The following SUGCT variants were observed in gnomAD, a reference collection of about 807,000 sequenced individuals.
SUGCT encodes the protein succinyl-CoA:glutarate-CoA transferase.
A neutral mutation model predicts 55.0 loss-of-function variants in SUGCT; 41 were observed. The ratio of observed to expected loss-of-function variants is 0.74; its 90% CI spans 0.58 to 0.97. SUGCT has a LOEUF of 0.97. Ranked by LOEUF, SUGCT falls within the 50% of genes least tolerant of loss-of-function variation. The pLI is 0.00. For synonymous variants in SUGCT, 187 were observed against 200.4 expected, an observed-to-expected ratio of 0.93 and a Z score of 0.56; for missense variants, 568 against 547.8, an observed-to-expected ratio of 1.04 and a Z score of -0.37.
intron 9 of SUGCT, among the ~76,000 whole-genome samples, chr7:40,438,205 C>T (rs1438962218): frequency 6.6e-6 from 1 of 152,114 alleles, no homozygotes; most frequent in Non-Finnish European, 1.5e-5. Context: ...TTCTCAATTC[C>T]CCGCCTTCAC....
the SUGCT span, among the ~76,000 whole-genome samples, chr7:40,951,190 G>C: frequency 6.6e-6 from 1 of 151,970 alleles, no homozygotes; most frequent in African/African-American, 2.4e-5. Context: ...AGTCTTGGGA[G>C]GGTGTATGTG....
chr7:40,439,332 C>G (rs1193663008), intron 9 of SUGCT, among the ~76,000 whole-genome samples: 3 of 151,570 alleles, frequency 2.0e-5, no homozygotes, highest in African/African-American at 7.3e-5. Flanking sequence ...GACTTCTGAC[C>G]CACTGAGACA....
chr7:40,479,882 T>G (rs917041561), intron 11 of SUGCT, among the ~76,000 whole-genome samples: 6 of 152,180 alleles, frequency 3.9e-5, no homozygotes, highest in Admixed American at 3.3e-4. Context: ...TTATATTTGC[T>G]ATGGAGATGT....
chr7:40,899,705 C>T, the SUGCT span, among the ~76,000 whole-genome samples: 5 of 151,194 alleles, frequency 3.3e-5, no homozygotes, highest in Admixed American at 2.0e-4. Flanking sequence ...ACAGTTTTTT[C>T]TTAAGGAAAT....
chr7:40,307,995 A>T (rs1453286612), intron 8 of SUGCT, among the ~76,000 whole-genome samples: 2 of 152,162 alleles, frequency 1.3e-5, no homozygotes, highest in African/African-American at 4.8e-5. Flanking sequence ...TAGCCCCTTC[A>T]TTTCTCTTTT....
In SUGCT at chr7:40,242,126, C is replaced by T. The variant is rs1207956899; in HGVS notation, c.576+4400C>T. Among the ~76,000 whole-genome samples, 9 of 151,818 alleles carry T rather than the reference C, an allele frequency of 5.9e-5. No individual in the cohort carries two copies. In the East Asian group the frequency reaches 1.7e-3, roughly 29 times the overall value. ...GACATTTTACATATGTATTTTGATC[C>T]TCACATTGGTACTTCCAGGTATGTT... On this transcript the variant is annotated intron_variant, in intron 7 of 13. Transcript: ENST00000335693.
chr7:40,820,627 CTT>C (rs1222803469), intron 13 of SUGCT, among the ~76,000 whole-genome samples: 1 of 152,180 alleles, frequency 6.6e-6, no homozygotes. Context: ...TATCCTGAGA[CTT>C]TGCTGAAGTT....
intron 8 of SUGCT, among the ~76,000 whole-genome samples, chr7:40,297,218 G>A (rs981838998): frequency 6.6e-6 from 1 of 151,934 alleles, no homozygotes; most frequent in Non-Finnish European, 1.5e-5. Context: ...CCTGCCCTAG[G>A]AGCCCATTGG....
At chr7:40,677,715 A>G (rs1398752345) in intron 12 of SUGCT, among the ~76,000 whole-genome samples, 1 of 152,234 alleles carries the variant, frequency 6.6e-6, no homozygotes, top group Non-Finnish European at 1.5e-5. Context: ...TCTCTATAGC[A>G]GGAGTCAGTC....
chr7:40,433,019 A>G (rs912477665), intron 9 of SUGCT, among the ~76,000 whole-genome samples: 4 of 150,360 alleles, frequency 2.7e-5, no homozygotes, highest in Admixed American at 6.6e-5. Context: ...TGCTTCCTTG[A>G]TGTGATAATT....
At chr7:40,149,628 T>C (rs1235717715) in intron 1 of SUGCT, among the ~76,000 whole-genome samples, 2 of 151,998 alleles carry the variant, frequency 1.3e-5, no homozygotes, top group South Asian at 4.1e-4. Flanking sequence ...ATTAAAAATA[T>C]AAAAATCGGC....
At chr7:40,932,652 T>G in the SUGCT span, among the ~76,000 whole-genome samples, 2 of 152,216 alleles carry the variant, frequency 1.3e-5, no homozygotes, top group Non-Finnish European at 2.9e-5. Flanking sequence ...CTCTTCTTGT[T>G]GCATTGATCC....
At chr7:40,246,303 G>A (rs565678500) in intron 7 of SUGCT, among the ~76,000 whole-genome samples, 163 of 151,210 alleles carry the variant, frequency 1.1e-3, no homozygotes, top group African/African-American at 3.7e-3. Context: ...AGGATAGAGT[G>A]TAGTGGTGCA....
intron 12 of SUGCT, among the ~76,000 whole-genome samples, chr7:40,508,554 G>A (rs796232339): frequency 6.6e-6 from 1 of 152,138 alleles, no homozygotes; most frequent in Non-Finnish European, 1.5e-5. Flanking sequence ...ATGCAGAGGT[G>A]TAGAGCTTGG....
At chr7:40,152,283 G>T (rs1238354448) in intron 1 of SUGCT, among the ~76,000 whole-genome samples, 1 of 152,226 alleles carries the variant, frequency 6.6e-6, no homozygotes, top group African/African-American at 2.4e-5. Context: ...TCAACTTTAA[G>T]TTCCACCCAA....
the SUGCT span, among the ~76,000 whole-genome samples, chr7:40,963,228 G>T: frequency 6.6e-6 from 1 of 151,870 alleles, no homozygotes; most frequent in African/African-American, 2.4e-5. Flanking sequence ...TACTTTTGGT[G>T]AATGTAAAGG....
chr7:40,142,747 TACA>T (rs1788052514), intron 1 of SUGCT, among the ~76,000 whole-genome samples: 1 of 152,236 alleles, frequency 6.6e-6, no homozygotes, highest in Non-Finnish European at 1.5e-5. Context: ...GGGATGAAGG[TACA>T]ACATTTGTGT....
chr7:40,372,463 G>A (rs532850131), intron 9 of SUGCT, among the ~76,000 whole-genome samples: 1 of 152,040 alleles, frequency 6.6e-6, no homozygotes, highest in South Asian at 2.1e-4. Context: ...TTGTGCTGTG[G>A]ATACTCCTAA....
intron 12 of SUGCT, among the ~76,000 whole-genome samples, chr7:40,660,137 G>A (rs1801232350): frequency 6.6e-6 from 1 of 152,204 alleles, no homozygotes; most frequent in East Asian, 1.9e-4. Context: ...TTCTAACTGG[G>A]AGGATTGCTC....
Sources: allele counts gnomAD v4.1 joint callset (sites outside exome capture counted in the v4.1 genomes callset), GRCh38; gene constraint gnomAD v4.1.1; transcripts MANE v1.5; gene names NCBI Gene and HGNC (gene_info 2026-07-23, HGNC 2026-07-21).